Variants in CIB1 observed in about 807,000 individuals in gnomAD.
CIB1 encodes the protein calcium and integrin-binding protein 1.
In CIB1, 19 loss-of-function variants were observed where a neutral mutation model predicts 25.0. The ratio of observed to expected loss-of-function variants is 0.76; its 90% confidence interval spans 0.53 to 1.12. CIB1 has a LOEUF of 1.12. CIB1 is among the 50% of genes most tolerant of loss of function. CIB1 has a pLI of 0.00. For missense variants in CIB1, 236 were observed against 242.6 expected, an observed-to-expected ratio of 0.97 and a Z score of 0.18; for synonymous variants, 104 against 98.5, an observed-to-expected ratio of 1.06 and a Z score of -0.33.
At chr15:90,258,523 C>A in the CIB1 span, 1 of 613,466 alleles carries the variant, frequency 1.6e-6, no homozygotes, top group Admixed American at 2.9e-5. Flanking sequence ...TCTTTAGGGA[C>A]ACACTATCTA....
At chr15:90,233,410 C>T (rs556063183) in intron 2 of CIB1, among the ~76,000 whole-genome samples, 1 of 152,374 alleles carries the variant, frequency 6.6e-6, no homozygotes, top group African/African-American at 2.4e-5. Context: ...AGTGCTGAAG[C>T]TAGTGGAGCC....
At chr15:90,250,678 T>G in the CIB1 span, 2 of 1,613,944 alleles carry the variant, frequency 1.2e-6, no homozygotes, top group African/African-American at 2.7e-5. Flanking sequence ...AAGACTATGT[T>G]GAGGAAAAGG....
the CIB1 span, among the ~76,000 whole-genome samples, chr15:90,256,547 TTC>T: frequency 5.1e-4 from 12 of 23,520 alleles, no homozygotes; most frequent in Admixed American, 2.0e-3. Flanking sequence ...TCCTTCCTTT[TTC>T]TTTCTTTCTT....
At chr15:90,251,001 G>C in the CIB1 span, 1 of 1,381,308 alleles carries the variant, frequency 7.2e-7, no homozygotes, top group Non-Finnish European at 9.8e-7. Context: ...CTACAAAAGA[G>C]GACAGGAAAT....
At chr15:90,232,520 C>T in intron 2 of CIB1, 193 bp from the exon 3 acceptor site, 1 of 774,538 alleles carries the variant, frequency 1.3e-6, no homozygotes. Flanking sequence ...TCTATTCTTG[C>T]AATGAGTATT....
chr15:90,255,826 G>T, the CIB1 span: 3 of 1,614,184 alleles, frequency 1.9e-6, no homozygotes, highest in Admixed American at 3.3e-5. Context: ...TCAACCGCAT[G>T]TACAAACTCT....
At chr15:90,253,271 T>A in the CIB1 span, 21 of 1,613,780 alleles carry the variant, frequency 1.3e-5, no homozygotes, top group East Asian at 4.5e-4. Flanking sequence ...CCCAAATGTG[T>A]GGCCTGAAGG....
the CIB1 span, among the ~76,000 whole-genome samples, chr15:90,246,386 G>GGTAACAGCTTTGCATTTGA: frequency 6.6e-6 from 1 of 152,104 alleles, no homozygotes; most frequent in Non-Finnish European, 1.5e-5. Context: ...CTTAATGTGG[G>GGTAACAGCTTTGCATTTGA]GTAACAGCTT....
upstream of CIB1, chr15:90,233,959 G>A: frequency 7.1e-7 from 1 of 1,415,010 alleles, no homozygotes; most frequent in South Asian, 1.5e-5. Flanking sequence ...CCCTTGGGCC[G>A]CGTCACTGCC....
the CIB1 span, among the ~76,000 whole-genome samples, chr15:90,261,520 C>A: frequency 6.6e-6 from 1 of 151,754 alleles, no homozygotes; most frequent in African/African-American, 2.4e-5. Flanking sequence ...AGGCCGAGTA[C>A]GGTGGCTCAC....
At chr15:90,255,588 CT>C in the CIB1 span, among the ~76,000 whole-genome samples, 6 of 152,088 alleles carry the variant, frequency 3.9e-5, no homozygotes, top group Admixed American at 3.3e-4. Context: ...TCTCACCTGC[CT>C]TAAGGAACCT....
chr15:90,232,537 G>A (rs1455534931), intron 2 of CIB1: 5 of 620,520 alleles, frequency 8.1e-6, no homozygotes, highest in Non-Finnish European at 1.2e-5. Flanking sequence ...TATTTACTGA[G>A]CATTTACTAT....
the CIB1 span, among the ~76,000 whole-genome samples, chr15:90,259,511 C>T: frequency 6.6e-6 from 1 of 152,172 alleles, no homozygotes; most frequent in Non-Finnish European, 1.5e-5. Context: ...ATCAACATTC[C>T]TACTATCATA....
At chr15:90,232,402 C>A (rs1010172588) in intron 2 of CIB1, 75 bp from the exon 3 acceptor site, 2 of 1,499,406 alleles carry the variant, frequency 1.3e-6, no homozygotes, top group South Asian at 2.7e-5. Flanking sequence ...TCCTTGCCTG[C>A]TGCTCATTGT....
At position 90,231,296 on chromosome 15, in the gene CIB1, G is replaced by A; in HGVS notation, c.346+61C>T. ...CAAACGGCGCCCATTTCCCAAGCAG[G>A]GCCACCACAAAGCCCACGTGGGAAG... is the stretch of plus-strand genomic sequence containing the variant. On this transcript the variant is annotated intron_variant, in intron 4 of 6. Transcript: ENST00000328649. The A allele has an allele frequency of 5.0e-6, 8 of 1,608,410 alleles. 1 individual carries two copies. In the South Asian group the frequency reaches 7.7e-5, roughly 15 times the overall value.
In CIB1 at chr15:90,230,211, T is replaced by C. The variant is rs1336455803; in HGVS notation, c.*273A>G. 1 of 522,254 alleles carries C rather than the reference T, an allele frequency of 1.9e-6. No homozygotes were observed. 32.4% of individuals were successfully genotyped at this position (522,254 alleles called of 1,614,324 possible). A position where few individuals can be genotyped will look rare whatever the true frequency, so the allele number is the denominator to read the frequency against. ...GAAGGCTCTTAGAAGAGAAGTCCAG[T>C]CCTTCCTCATACCAGTGTATCTCAT... On this transcript the variant is annotated 3_prime_UTR_variant, in exon 7 of 7. Coordinates refer to ENST00000328649, the MANE Select transcript of CIB1 (RefSeq NM_006384.4).
upstream of CIB1, among the ~76,000 whole-genome samples, chr15:90,237,495 A>G (rs1251788163): frequency 6.6e-6 from 1 of 151,992 alleles, no homozygotes; most frequent in Non-Finnish European, 1.5e-5. Flanking sequence ...CATGTTGGCC[A>G]GGATGGTCTC....
chr15:90,232,479 G>A, intron 2 of CIB1, 152 bp from the exon 3 acceptor site: 1 of 1,301,194 alleles, frequency 7.7e-7, no homozygotes, highest in Non-Finnish European at 1.0e-6. Flanking sequence ...GTAAGCAAAA[G>A]GACATGTCAC....
chr15:90,257,514 C>A, the CIB1 span: 2 of 1,037,244 alleles, frequency 1.9e-6, no homozygotes, highest in South Asian at 1.5e-5. Flanking sequence ...TAGCAGTCCT[C>A]TGGTGGAGAG....
Sources: gnomAD v4.1 joint callset for allele counts (sites outside exome capture counted in the v4.1 genomes callset) on GRCh38, gnomAD v4.1.1 for gene constraint, MANE v1.5 for transcripts, NCBI Gene and HGNC (gene_info 2026-07-23, HGNC 2026-07-21) for gene names.